The following PLAT variants were observed in gnomAD, a reference collection of about 807,000 sequenced individuals.
The protein encoded by PLAT is tissue-type plasminogen activator.
PLAT carries 48 observed loss-of-function variants against 74.9 expected under a neutral mutation model. That is an observed-to-expected ratio of 0.64 (90% confidence interval 0.51 to 0.82). The LOEUF (loss-of-function observed/expected upper bound fraction) is 0.82, where lower values mean the gene tolerates loss of function less well. Among genes scored for constraint, PLAT ranks in the 40% least tolerant of loss-of-function variants. PLAT has a pLI of 0.00. For missense variants in PLAT, 673 were observed against 736.2 expected (o/e 0.91, Z 0.99); for synonymous variants, 307 against 294.4 (o/e 1.04, Z -0.44).
At chr8:42,177,950 G>A (rs551574934) in intron 13 of PLAT, among the ~76,000 whole-genome samples, 6 of 152,280 alleles carry the variant, frequency 3.9e-5, no homozygotes, top group South Asian at 2.1e-4. Flanking sequence ...AGCTTCGCAC[G>A]CTGCAGGCAC....
At chr8:42,202,148 TA>T (rs1806154111) in intron 1 of PLAT, among the ~76,000 whole-genome samples, 2 of 151,624 alleles carry the variant, frequency 1.3e-5, no homozygotes, top group South Asian at 4.2e-4. Flanking sequence ...GCTTCTCAAG[TA>T]GCTGGGACTA....
chr8:42,181,158 C>T (rs1805224667), intron 9 of PLAT, among the ~76,000 whole-genome samples: 1 of 152,250 alleles, frequency 6.6e-6, no homozygotes, highest in African/African-American at 2.4e-5. Context: ...CCACTGAGGA[C>T]TCACACTAAT....
rs1020857645 is a variant in PLAT at position 42,187,450 on chromosome 8, C to G, written c.487G>C (p.Gly163Arg). The change falls in exon 6 of 14, where the codon GGG becomes CGG. Residue 163 changes from glycine to arginine, a missense_variant. Physicochemically the swap from Gly to Arg is moderately radical, Grantham distance 125 (BLOSUM62 -2). Transcript: ENST00000220809. ...SSALAQKPYS[G>R]RRPDAIRLGL... is the part of the protein sequence containing the mutation. ...AGCCTGATGGCGTCTGGCCTCCGCC[C>G]GCTGTAGGGCTTCTGGGCCAACGCG... 17 of 1,604,546 alleles carry G rather than the reference C, an allele frequency of 1.1e-5. No individual in the cohort carries two copies. In the African/African-American group the frequency reaches 2.1e-4, roughly 20 times the overall value.
At chr8:42,202,231 A>G (rs973643831) in intron 1 of PLAT, among the ~76,000 whole-genome samples, 23 of 147,150 alleles carry the variant, frequency 1.6e-4, no homozygotes, top group Admixed American at 6.8e-4. Flanking sequence ...AGTCTTCGCT[A>G]TGTTCAAGAC....
intron 1 of PLAT, among the ~76,000 whole-genome samples, chr8:42,205,475 G>A (rs375799941): frequency 6.6e-6 from 1 of 152,066 alleles, no homozygotes; most frequent in East Asian, 1.9e-4. Context: ...TGCAGTAGCC[G>A]GGATCATGCC....
Position 42,179,078 on chromosome 8 carries a change from C to CCAT in PLAT, c.1364-18_1364-16dup. The CCAT allele has an allele frequency of 6.3e-7, 1 of 1,595,976 alleles. No homozygotes were observed. Among genetic ancestry groups the CCAT allele is most frequent in the Non-Finnish European group, 8.6e-7 (1 of 1,168,442 alleles). On this transcript the variant is annotated splice_polypyrimidine_tract_variant and intron_variant, in intron 12 of 13. Coordinates refer to ENST00000220809, the MANE Select transcript of PLAT (RefSeq NM_000930.5). ...GAAAGGAGACACTGAAAGGGGAGAA[C>CCAT]CATCATATGGTTTTAGGGAAAGTTA...
At chr8:42,177,978 A>T (rs1805038864) in intron 13 of PLAT, among the ~76,000 whole-genome samples, 1 of 152,224 alleles carries the variant, frequency 6.6e-6, no homozygotes, top group African/African-American at 2.4e-5. Flanking sequence ...TCTGAGGAAG[A>T]TCAATTCCTT....
chr8:42,180,570 C>T lies in PLAT; in HGVS notation c.1005G>A (p.Ser335=). 2 of 1,614,046 alleles carry T rather than the reference C, an allele frequency of 1.2e-6. No individual in the cohort carries two copies. Among genetic ancestry groups the T allele is most frequent in the Non-Finnish European group, 1.7e-6 (2 of 1,179,962 alleles). ...CCCCGCACAGGAACCGCTCTCCGGG[C>T]GACCTCCTGTGCTTGGCAAAGATGG... The part of the protein sequence containing the change: ...QAAIFAKHRR[S]PGERFLCGGI... Residue 335 remains serine (S), a synonymous_variant, in exon 10 of 14, where the codon TCG becomes TCA. Coordinates refer to ENST00000220809, the MANE Select transcript of PLAT (RefSeq NM_000930.5).
At position 42,182,841 on chromosome 8, in the gene PLAT, G is replaced by A; in HGVS notation, c.681C>T (p.His227=). ...AGGAGGCACCCGACTCGGTGAGGCT[G>A]TGCGTGCCACGGTAGGCTGACCCAT... ...FGNGSAYRGT[H]SLTESGASCL... The change falls in exon 8 of 14, where the codon CAC becomes CAT. Residue 227 remains histidine (H), a synonymous_variant. Transcript: ENST00000220809. The A allele has an allele frequency of 6.2e-7, 1 of 1,613,764 alleles. No individual in the cohort carries two copies. The highest frequency in any genetic ancestry group is 8.5e-7 in the Non-Finnish European group (1 of 1,179,650).
chr8:42,180,715 G>C lies in PLAT; in HGVS notation c.890-30C>G, dbSNP rs775232092. ...GGAGGAAAGGACGAGGAGGCAGTCAGTCCCACAGGCCTCCTGCACGTGTGT... is the reference window on the plus strand; with the variant it reads ...GGAGGAAAGGACGAGGAGGCAGTCACTCCCACAGGCCTCCTGCACGTGTGT... On this transcript the variant is annotated intron_variant, in intron 9 of 13. Transcript: ENST00000220809. 5.3e-6 allele frequency: 8 copies of C among 1,515,394 alleles called. No individual in the cohort carries two copies. The East Asian group carries it at 1.8e-4, about 34-fold the overall frequency. 93.9% of individuals were successfully genotyped at this position (1,515,394 alleles called of 1,614,324 possible). A position where few individuals can be genotyped will look rare whatever the true frequency, so the allele number is the denominator to read the frequency against.
intron 1 of PLAT, among the ~76,000 whole-genome samples, chr8:42,203,867 G>A (rs2129828248): frequency 6.6e-6 from 1 of 151,836 alleles, no homozygotes; most frequent in South Asian, 2.1e-4. Context: ...TTGGGAGGCT[G>A]AGATGGAGGA....
At chr8:42,177,383 G>C (rs1805015180) in intron 13 of PLAT, among the ~76,000 whole-genome samples, 1 of 152,232 alleles carries the variant, frequency 6.6e-6, no homozygotes. Context: ...ACTGAAGAGT[G>C]GGTAGATTGT....
chr8:42,183,710 T>A (rs1333677169), intron 7 of PLAT, among the ~76,000 whole-genome samples: 1 of 151,970 alleles, frequency 6.6e-6, no homozygotes, highest in African/African-American at 2.4e-5. Context: ...CCTCTATACA[T>A]AAATACCATA....
chr8:42,177,466 G>C (rs866616834), intron 13 of PLAT, among the ~76,000 whole-genome samples: 1 of 152,136 alleles, frequency 6.6e-6, no homozygotes, highest in Non-Finnish European at 1.5e-5. Flanking sequence ...TTACTCAAAC[G>C]TTTCAGGCCT....
chr8:42,180,767 G>T, intron 9 of PLAT, 82 bp from the exon 10 acceptor site: 1 of 1,042,786 alleles, frequency 9.6e-7, no homozygotes, highest in East Asian at 2.5e-5. Flanking sequence ...CCATCAGCAT[G>T]GCTGTAAAAC....
chr8:42,182,882 C>T lies in PLAT; in HGVS notation c.640G>A (p.Asp214Asn), dbSNP rs142878986. The change falls in exon 8 of 14, where the codon GAC becomes AAC. Residue 214 changes from aspartate (D) to asparagine (N), a missense_variant. Physicochemically the swap from Asp to Asn is conservative, Grantham distance 23. Coordinates refer to ENST00000220809, the MANE Select transcript of PLAT (RefSeq NM_000930.5). ...GCTGACCCATTCCCAAAGTAGCAGT[C>T]ACTGTTTCCTAGAAGAAAAGAATTC... ...STPACSEGNS[D>N]CYFGNGSAYR... The T allele has an allele frequency of 5.6e-6, 9 of 1,609,344 alleles. 1 individual carries two copies. The African/African-American group carries it at 9.4e-5, about 17-fold the overall frequency.
chr8:42,197,398 A>C (rs768578706), intron 1 of PLAT, among the ~76,000 whole-genome samples: 2 of 152,166 alleles, frequency 1.3e-5, no homozygotes, highest in Admixed American at 6.5e-5. Context: ...GTGAATGATG[A>C]CTGTTCTTGG....
rs540792249 is a variant in PLAT, at chr8:42,181,848, C to T, written c.889+89G>A. On this transcript the variant is annotated intron_variant, in intron 9 of 13. Coordinates refer to ENST00000220809, the MANE Select transcript of PLAT (RefSeq NM_000930.5). ...AAGTCTGGTAGGCACACAGTCTGCACCAGACAGCCATGAAGGCCTAGAAAG... is the reference window on the plus strand; with the variant it reads ...AAGTCTGGTAGGCACACAGTCTGCATCAGACAGCCATGAAGGCCTAGAAAG... 6 of 768,922 alleles carry T rather than the reference C, an allele frequency of 7.8e-6. No individual in the cohort carries two copies. The African/African-American group carries it at 8.7e-5, about 11-fold the overall frequency. The allele number at this position is 768,922 out of a possible 1,614,324, so 47.6% of individuals were successfully genotyped here. A position where few individuals can be genotyped will look rare whatever the true frequency, so the allele number is the denominator to read the frequency against.
At chr8:42,179,831 G>A in intron 12 of PLAT, 95 bp downstream of exon 12, 1 of 1,297,520 alleles carries the variant, frequency 7.7e-7, no homozygotes, top group Middle Eastern at 2.1e-4. Flanking sequence ...CCCGGGGCTG[G>A]AACTTCGGTC....
Sources: allele counts gnomAD v4.1 joint callset (sites outside exome capture counted in the v4.1 genomes callset), GRCh38; gene constraint gnomAD v4.1.1; transcripts MANE v1.5; gene names NCBI Gene and HGNC (gene_info 2026-07-23, HGNC 2026-07-21).